AKAP6: variants seen among roughly 807,000 people sequenced by gnomAD.
AKAP6 encodes A-kinase anchor protein 6.
A neutral mutation model predicts 188.5 loss-of-function variants in AKAP6; 58 were observed. That is an observed-to-expected ratio of 0.31 (90% CI 0.25 to 0.38). AKAP6 has a LOEUF of 0.38. AKAP6 is among the 10% of genes least tolerant of loss of function. The pLI is 1.00. For missense variants in AKAP6, 2,710 were observed against 2,740.0 expected, an observed-to-expected ratio of 0.99 and a Z score of 0.24; for synonymous variants, 989 against 998.6, an observed-to-expected ratio of 0.99 and a Z score of 0.18.
chr14:32,664,607 C>T (rs1222846357), intron 7 of AKAP6, among the ~76,000 whole-genome samples: 1 of 152,068 alleles, frequency 6.6e-6, no homozygotes, highest in Non-Finnish European at 1.5e-5. Context: ...AATTGTTATT[C>T]ACATTCATCA....
intron 12 of AKAP6, among the ~76,000 whole-genome samples, chr14:32,803,405 A>G (rs1485635596): frequency 6.6e-6 from 1 of 152,044 alleles, no homozygotes; most frequent in African/African-American, 2.4e-5. Flanking sequence ...TCTCTGGGTT[A>G]TTAAGAATAA....
chr14:32,702,177 T>G (rs1426196834), intron 9 of AKAP6, among the ~76,000 whole-genome samples: 3 of 152,186 alleles, frequency 2.0e-5, no homozygotes, highest in Admixed American at 6.5e-5. Flanking sequence ...AAAACTCCAT[T>G]AAGATAAGAA....
intron 2 of AKAP6, among the ~76,000 whole-genome samples, chr14:32,476,323 A>G (rs1230072132): frequency 1.3e-5 from 2 of 152,150 alleles, no homozygotes; most frequent in East Asian, 1.9e-4. Context: ...GGATGGATCT[A>G]TATAGAAGCA....
At chr14:32,717,341 G>T (rs1379520585) in intron 9 of AKAP6, among the ~76,000 whole-genome samples, 1 of 151,904 alleles carries the variant, frequency 6.6e-6, no homozygotes, top group Admixed American at 6.6e-5. Flanking sequence ...ATCATATTCT[G>T]TCATCTGTTT....
intron 2 of AKAP6, among the ~76,000 whole-genome samples, chr14:32,472,520 G>A (rs569123161): frequency 6.6e-6 from 1 of 152,294 alleles, no homozygotes; most frequent in African/African-American, 2.4e-5. Context: ...TTCTAGGAGA[G>A]GCGATATTAC....
At position 32,829,618 on chromosome 14, in the gene AKAP6, A is replaced by T. The variant is rs201697642; in HGVS notation, c.*43-230A>T. On this transcript the variant is annotated intron_variant, in intron 13 of 13. Transcript: ENST00000280979. The stretch of plus-strand genomic sequence containing the variant: ...GTTTTCTTTGAAACCACGTCTTTTT[A>T]AAAAAAAAAAAAAATCAATGTATTT... Among the ~76,000 whole-genome samples the T allele has an allele frequency of 4.7e-3, 128 of 27,376 alleles. 1 individual carries two copies. In the East Asian group the frequency reaches 0.09, roughly 19 times the overall value. The allele number at this position is 27,376 out of a possible 152,430, so 18.0% of individuals were successfully genotyped here. A position where few individuals can be genotyped will look rare whatever the true frequency, so the allele number is the denominator to read the frequency against.
chr14:32,487,554 A>G (rs1165701741), intron 2 of AKAP6, among the ~76,000 whole-genome samples: 2 of 152,120 alleles, frequency 1.3e-5, no homozygotes, highest in African/African-American at 4.8e-5. Flanking sequence ...CAATTTGTCA[A>G]TCTCATTCTC....
At chr14:32,632,850 A>G (rs890983672) in intron 7 of AKAP6, among the ~76,000 whole-genome samples, 1 of 152,122 alleles carries the variant, frequency 6.6e-6, no homozygotes, top group Non-Finnish European at 1.5e-5. Context: ...TGATTTAATC[A>G]TTTGCATATT....
At chr14:32,771,376 C>T (rs1299629184) in intron 11 of AKAP6, among the ~76,000 whole-genome samples, 1 of 148,586 alleles carries the variant, frequency 6.7e-6, no homozygotes, top group Non-Finnish European at 1.5e-5. Flanking sequence ...TTGTGAATAT[C>T]CAAAAATCAG....
intron 5 of AKAP6, among the ~76,000 whole-genome samples, chr14:32,583,314 A>C (rs1885066972): frequency 6.6e-6 from 1 of 152,172 alleles, no homozygotes; most frequent in South Asian, 2.1e-4. Context: ...GATTTTCGTG[A>C]ACCGCGAATG....
At chr14:32,343,245 A>C (rs1431411932) in intron 1 of AKAP6, among the ~76,000 whole-genome samples, 4 of 151,362 alleles carry the variant, frequency 2.6e-5, no homozygotes, top group Non-Finnish European at 5.9e-5. Flanking sequence ...CTTCCTTGTC[A>C]AGACTTAGAA....
At chr14:32,714,689 A>G (rs2030089105) in intron 9 of AKAP6, among the ~76,000 whole-genome samples, 1 of 151,818 alleles carries the variant, frequency 6.6e-6, no homozygotes. Context: ...CTTCTTCTTT[A>G]GGCAGAATTA....
chr14:32,410,388 C>G (rs150299748), intron 1 of AKAP6, among the ~76,000 whole-genome samples: 1 of 152,056 alleles, frequency 6.6e-6, no homozygotes, highest in Admixed American at 6.6e-5. Flanking sequence ...TTAAATTTAC[C>G]TATATCCTGG....
chr14:32,697,212 C>A (rs1890439746), intron 9 of AKAP6, among the ~76,000 whole-genome samples: 1 of 152,182 alleles, frequency 6.6e-6, no homozygotes, highest in East Asian at 1.9e-4. Context: ...TTGTACTTTT[C>A]AAGGGTCTGG....
intron 11 of AKAP6, among the ~76,000 whole-genome samples, chr14:32,754,289 TAAA>T (rs1594913056): frequency 6.6e-6 from 1 of 152,090 alleles, no homozygotes; most frequent in East Asian, 1.9e-4. Flanking sequence ...TTTTGTCTGA[TAAA>T]AGTATAGCCA....
chr14:32,459,932 A>G (rs1891268334), intron 2 of AKAP6, among the ~76,000 whole-genome samples: 1 of 152,218 alleles, frequency 6.6e-6, no homozygotes, highest in African/African-American at 2.4e-5. Context: ...GGTAATCAGA[A>G]TGATGGGAGA....
At chr14:32,800,070 TAGAA>T (rs761200144) in intron 12 of AKAP6, among the ~76,000 whole-genome samples, 16 of 128,400 alleles carry the variant, frequency 1.2e-4, no homozygotes, top group South Asian at 2.4e-4. Flanking sequence ...TCTATATATA[TAGAA>T]ATATATATAT....
chr14:32,517,714 A>T (rs1256764670), intron 2 of AKAP6, among the ~76,000 whole-genome samples: 5 of 152,210 alleles, frequency 3.3e-5, no homozygotes, highest in Non-Finnish European at 7.3e-5. Context: ...AACTGGGTGG[A>T]GCCCACTGCA....
At chr14:32,472,613 G>A (rs1211512459) in intron 2 of AKAP6, among the ~76,000 whole-genome samples, 1 of 152,180 alleles carries the variant, frequency 6.6e-6, no homozygotes, top group Non-Finnish European at 1.5e-5. Context: ...ACATGGCAGT[G>A]ATGTTGGCAG....
Sources: allele counts gnomAD v4.1 joint callset (sites outside exome capture counted in the v4.1 genomes callset), GRCh38; gene constraint gnomAD v4.1.1; transcripts MANE v1.5; gene names NCBI Gene and HGNC (gene_info 2026-07-23, HGNC 2026-07-21).